Variants in HABP4 observed in about 807,000 individuals in gnomAD.
HABP4 encodes hyaluronan binding protein 4.
Under a neutral mutation model 44.1 loss-of-function variants are expected in HABP4, and 32 were observed. That is an observed-to-expected ratio of 0.73 (90% confidence interval 0.55 to 0.97). The LOEUF is 0.97. HABP4 is among the 50% of genes least tolerant of loss of function. HABP4 has a pLI of 0.00. For synonymous variants in HABP4, 216 were observed against 218.0 expected (o/e 0.99, Z 0.08); for missense variants, 503 against 561.9 (o/e 0.90, Z 1.06).
intron 5 of HABP4, among the ~76,000 whole-genome samples, chr9:96,476,820 G>A (rs1440269743): frequency 6.6e-6 from 1 of 152,222 alleles, no homozygotes; most frequent in Non-Finnish European, 1.5e-5. Context: ...GTGATACTAT[G>A]CTGCTTTCAA....
chr9:96,464,573 G>A (rs1449331500), intron 2 of HABP4, among the ~76,000 whole-genome samples: 1 of 152,146 alleles, frequency 6.6e-6, no homozygotes, highest in Admixed American at 6.5e-5. Flanking sequence ...AACAATGTGA[G>A]TTTTGTACCA....
intron 2 of HABP4, 143 bp downstream of exon 2, chr9:96,458,684 T>TG: frequency 1.7e-6 from 1 of 588,434 alleles, no homozygotes; most frequent in Non-Finnish European, 2.9e-6. Context: ...AGTGCAATGG[T>TG]GCGATCTCGG....
chr9:96,484,529 C>A lies in HABP4; in HGVS notation c.895C>A (p.Leu299Ile), dbSNP rs749488620. The change falls in exon 6 of 8, where the codon CTT becomes ATT. Residue 299 changes from leucine (L) to isoleucine (I), a missense_variant. By Grantham distance (5) the Leu-to-Ile change is conservative (BLOSUM62 2). Coordinates refer to ENST00000375249, the MANE Select transcript of HABP4 (RefSeq NM_014282.4). Reference protein sequence around the residue: ...QEMTLDEWKNLQEQTRPKPEF... With the variant: ...QEMTLDEWKNIQEQTRPKPEF... ...GATGACTTTAGATGAGTGGAAAAAT[C>A]TTCAAGAACAGACCAGACCAAAGCC... 1 of 1,587,594 alleles carries A rather than the reference C, an allele frequency of 6.3e-7. No homozygotes were observed. Among genetic ancestry groups the A allele is most frequent in the Non-Finnish European group, 8.7e-7 (1 of 1,155,806 alleles).
rs561944687 is a variant in HABP4, at chr9:96,459,808, G to A, written c.512+1267G>A. On this transcript the variant is annotated intron_variant, in intron 2 of 7. Transcript: ENST00000375249. The stretch of plus-strand genomic sequence containing the variant: ...AGCCTGGGTGGGCTGAGCAGGTGAT[G>A]ACTCATGCAGAACTGTTCACCTGGA... Among the ~76,000 whole-genome samples the A allele has an allele frequency of 4.6e-5, 7 of 152,304 alleles. No homozygotes were observed. The South Asian group carries it at 1.4e-3, about 32-fold the overall frequency.
intron 4 of HABP4, 86 bp downstream of exon 4, chr9:96,465,864 G>C (rs1832592072): frequency 5.2e-6 from 4 of 772,304 alleles, no homozygotes; most frequent in South Asian, 1.5e-5. Context: ...GATGTCTTCT[G>C]TATTGTGCTT....
At chr9:96,471,721 C>G (rs1289674861) in intron 5 of HABP4, among the ~76,000 whole-genome samples, 1 of 151,858 alleles carries the variant, frequency 6.6e-6, no homozygotes, top group Non-Finnish European at 1.5e-5. Context: ...TCTCCCAGTC[C>G]TCCCTCCCTC....
At position 96,468,323 on chromosome 9, in the gene HABP4, T is replaced by A. The variant is rs1480843754; in HGVS notation, c.743+2545T>A. ...CCCAGGCTGGAGTGCAGTGGCATGA[T>A]CTCTGCTCACTGCAACCTCTCCCTC... is the stretch of plus-strand genomic sequence containing the variant. On this transcript the variant is annotated intron_variant, in intron 4 of 7. Transcript: ENST00000375249. 4.6e-5 allele frequency among the ~76,000 whole-genome samples: 7 copies of A among 151,092 alleles called. No individual in the cohort carries two copies. In the East Asian group the frequency reaches 7.9e-4, roughly 17 times the overall value.
intron 7 of HABP4, among the ~76,000 whole-genome samples, chr9:96,489,094 G>C (rs1833030114): frequency 6.6e-6 from 1 of 152,170 alleles, no homozygotes; most frequent in Non-Finnish European, 1.5e-5. Flanking sequence ...TGCTCCTCCT[G>C]CTGCCCGGTT....
intron 1 of HABP4, among the ~76,000 whole-genome samples, chr9:96,455,478 A>G (rs891308724): frequency 6.0e-5 from 9 of 150,212 alleles, no homozygotes; most frequent in African/African-American, 2.2e-4. Context: ...AAAAAAAAAA[A>G]AGTGGCCAGG....
chr9:96,464,769 G>A (rs1337716375), intron 2 of HABP4, among the ~76,000 whole-genome samples: 1 of 152,154 alleles, frequency 6.6e-6, no homozygotes, highest in African/African-American at 2.4e-5. Context: ...GTGGAGTAAT[G>A]AGGTGGAAGG....
At chr9:96,475,697 G>T (rs1192537365) in intron 5 of HABP4, among the ~76,000 whole-genome samples, 1 of 152,242 alleles carries the variant, frequency 6.6e-6, no homozygotes, top group Non-Finnish European at 1.5e-5. Context: ...GGCAAAAGAT[G>T]TTGGCCCTGG....
intron 5 of HABP4, among the ~76,000 whole-genome samples, chr9:96,479,878 A>T (rs1465981049): frequency 1.3e-5 from 2 of 152,132 alleles, no homozygotes; most frequent in Non-Finnish European, 2.9e-5. Flanking sequence ...ATTTAAAAAA[A>T]ATGCTGGCCG....
In HABP4 at chr9:96,465,465, G is replaced by A. The variant is rs548057883; in HGVS notation, c.641G>A (p.Arg214Gln). ...GACGCTTTTGACCAGAGAGGAAAGC[G>A]AGAATTTGAAAGATATGGTGGGAAT... is the stretch of plus-strand genomic sequence containing the variant. Reference protein sequence around the residue: ...VFDAFDQRGKREFERYGGNDK... With the variant: ...VFDAFDQRGKQEFERYGGNDK... Residue 214 changes from arginine to glutamine, a missense_variant, in exon 3 of 8, where the codon CGA becomes CAA. Arg to Gln is a conservative substitution (Grantham distance 43). Around this residue, in one of 3 missense-constraint regions of HABP4, gnomAD observed 131 missense variants for 189.8 expected, o/e 0.69. Coordinates refer to ENST00000375249, the MANE Select transcript of HABP4 (RefSeq NM_014282.4). 13 of 1,612,772 alleles carry A rather than the reference G, an allele frequency of 8.1e-6. No homozygotes were observed. Among genetic ancestry groups the A allele is most frequent in the South Asian group, 2.2e-5 (2 of 91,048 alleles).
At chr9:96,458,586 GT>G in intron 2 of HABP4, 45 bp downstream of exon 2, 1 of 1,314,080 alleles carries the variant, frequency 7.6e-7, no homozygotes, top group Non-Finnish European at 1.1e-6. Flanking sequence ...AACCAGAAAG[GT>G]TTTGAGAAAA....
intron 6 of HABP4, among the ~76,000 whole-genome samples, chr9:96,487,824 G>A (rs1039153709): frequency 1.3e-5 from 2 of 152,196 alleles, no homozygotes; most frequent in African/African-American, 2.4e-5. Context: ...ATCATAATAA[G>A]TTCAAAGATG....
In HABP4 at chr9:96,488,188, C is replaced by A; in HGVS notation, c.1099C>A (p.Pro367Thr). Residue 367 changes from proline to threonine, a missense_variant, in exon 7 of 8, where the codon CCT (proline) becomes ACT (threonine). Around this residue, in one of 3 missense-constraint regions of HABP4, gnomAD observed 82 missense variants for 71.6 expected, o/e 1.15. Transcript: ENST00000375249. This position sits in a 1 kb window ranked among gnomAD's most constrained non-coding sequence, Gnocchi z 4.6. ...GATTAATTTTGGTAACCTCCCTCGT[C>A]CTGGGCGTGGAGCCAGAGGAGGCAC... ...LEINFGNLPR[P>T]GRGARGGTRG... is the part of the protein sequence containing the mutation. The A allele has an allele frequency of 6.2e-7, 1 of 1,613,578 alleles. No homozygotes were observed. Among genetic ancestry groups the A allele is most frequent in the Non-Finnish European group, 8.5e-7 (1 of 1,179,460 alleles).
chr9:96,476,132 G>A (rs1007393453), intron 5 of HABP4, among the ~76,000 whole-genome samples: 1 of 152,190 alleles, frequency 6.6e-6, no homozygotes, highest in African/African-American at 2.4e-5. Context: ...TCTCAGTGGA[G>A]CACAGAGGTT....
At chr9:96,479,202 A>G (rs1832835051) in intron 5 of HABP4, among the ~76,000 whole-genome samples, 1 of 152,158 alleles carries the variant, frequency 6.6e-6, no homozygotes. Flanking sequence ...ACATACTGAA[A>G]ATTCTAGTTC....
chr9:96,457,723 C>T (rs1832418872), intron 1 of HABP4, among the ~76,000 whole-genome samples: 1 of 151,990 alleles, frequency 6.6e-6, no homozygotes, highest in African/African-American at 2.4e-5. Flanking sequence ...CAAAAATTAG[C>T]TGGGCATGGT....
Sources: gnomAD v4.1 joint callset for allele counts (sites outside exome capture counted in the v4.1 genomes callset) on GRCh38, gnomAD v4.1.1 for gene constraint, gnomAD v4.1.1 regional missense constraint, Gnocchi (gnomAD v3.1) non-coding constraint, MANE v1.5 for transcripts, NCBI Gene and HGNC (gene_info 2026-07-23, HGNC 2026-07-21) for gene names.